SETBP1: variants seen among roughly 807,000 people sequenced by gnomAD.
SETBP1 encodes SET binding protein 1.
Under a neutral mutation model 101.0 loss-of-function variants are expected in SETBP1, and 9 were observed. The observed-to-expected ratio is 0.09, with a 90% confidence interval of 0.05 to 0.16. SETBP1 has a LOEUF of 0.16. Among genes scored for constraint, SETBP1 ranks in the 10% least tolerant of loss-of-function variants. The pLI is 1.00. For synonymous variants in SETBP1, 818 were observed against 788.5 expected (o/e 1.04, Z -0.63); for missense variants, 1,858 against 2,033.8 (o/e 0.91, Z 1.66).
intron 3 of SETBP1, among the ~76,000 whole-genome samples, chr18:44,933,822 G>T (rs2070893800): frequency 6.6e-6 from 1 of 152,152 alleles, no homozygotes; most frequent in Non-Finnish European, 1.5e-5. Context: ...GGGTGGGAGT[G>T]TCCCAATTTT....
At chr18:44,718,485 AG>A (rs2069515647) in intron 2 of SETBP1, among the ~76,000 whole-genome samples, 1 of 152,176 alleles carries the variant, frequency 6.6e-6, no homozygotes, top group South Asian at 2.1e-4. Context: ...AAAGAGAGAG[AG>A]AGAGAGAGCT....
intron 3 of SETBP1, among the ~76,000 whole-genome samples, chr18:44,905,653 C>G (rs530169339): frequency 6.6e-6 from 1 of 152,272 alleles, no homozygotes; most frequent in African/African-American, 2.4e-5. Context: ...TTGCAACAAG[C>G]CACAACATTC....
Position 44,952,604 on chromosome 18 carries a change from A to G in SETBP1, c.3264A>G (p.Pro1088=), listed in dbSNP as rs1169048930. The G allele has an allele frequency of 6.2e-7, 1 of 1,612,956 alleles. No homozygotes were observed. Among genetic ancestry groups the G allele is most frequent in the East Asian group, 2.2e-5 (1 of 44,804 alleles). ...TLGAASPFMR[P]TVPPPQFHTN... is the part of the protein sequence containing the mutation. ...GAGCAGCTTCCCCATTCATGAGGCC[A>G]ACAGTGCCACCACCTCAGTTCCACA... The change falls in exon 4 of 6, where the codon CCA becomes CCG. Residue 1088 remains proline, a synonymous_variant. Transcript: ENST00000649279.
intron 4 of SETBP1, among the ~76,000 whole-genome samples, chr18:45,003,238 CTG>C (rs2072653079): frequency 1.3e-5 from 2 of 152,164 alleles, no homozygotes; most frequent in Admixed American, 6.5e-5. Context: ...TCTAGGGAAT[CTG>C]TGTATTTTTT....
In SETBP1 at chr18:44,776,318, C is replaced by T. The variant is rs554932651; in HGVS notation, c.486+74486C>T. On this transcript the variant is annotated intron_variant, in intron 2 of 5. Transcript: ENST00000649279. ...ACATCAGGCTATAGAGCCCTCTTTT[C>T]GCTCCATAGCACAGCCCATATGGAT... Among the ~76,000 whole-genome samples the T allele has an allele frequency of 2.6e-5, 4 of 152,296 alleles. No individual in the cohort carries two copies. In the South Asian group the frequency reaches 8.3e-4, roughly 32 times the overall value.
chr18:44,964,401 C>G (rs2071678126), intron 4 of SETBP1, among the ~76,000 whole-genome samples: 1 of 152,056 alleles, frequency 6.6e-6, no homozygotes, highest in Non-Finnish European at 1.5e-5. Flanking sequence ...GTAAGGGACA[C>G]CTTGTCATCC....
chr18:44,793,776 T>A (rs549143153), intron 2 of SETBP1, among the ~76,000 whole-genome samples: 1 of 152,328 alleles, frequency 6.6e-6, no homozygotes, highest in Admixed American at 6.5e-5. Flanking sequence ...TGAACTGCTA[T>A]CCAGAACTCT....
At position 44,936,248 on chromosome 18, in the gene SETBP1, G is replaced by C. The variant is rs968321300; in HGVS notation, c.541-13633G>C. Among the ~76,000 whole-genome samples the C allele has an allele frequency of 2.6e-5, 4 of 151,062 alleles. No individual in the cohort carries two copies. In the East Asian group the frequency reaches 5.9e-4, roughly 22 times the overall value. Reference sequence around the variant, plus strand: ...GAGGGCAGAGGCTGCTGCTGGAAAAGACAGAGCCGTGGTGCTGTAGTGGGA... The same window carrying C: ...GAGGGCAGAGGCTGCTGCTGGAAAACACAGAGCCGTGGTGCTGTAGTGGGA... On this transcript the variant is annotated intron_variant, in intron 3 of 5. Coordinates refer to ENST00000649279, the MANE Select transcript of SETBP1 (RefSeq NM_015559.3).
chr18:44,707,405 A>T (rs1206586238), intron 2 of SETBP1, among the ~76,000 whole-genome samples: 1 of 152,232 alleles, frequency 6.6e-6, no homozygotes, highest in African/African-American at 2.4e-5. Context: ...TTTTGACAAA[A>T]ATACAACTTC....
At chr18:44,959,049 C>A (rs1047362510) in intron 4 of SETBP1, among the ~76,000 whole-genome samples, 1 of 152,184 alleles carries the variant, frequency 6.6e-6, no homozygotes, top group African/African-American at 2.4e-5. Context: ...AGAAATGGAG[C>A]AATTCTGCCT....
chr18:44,851,991 A>T, intron 2 of SETBP1, among the ~76,000 whole-genome samples: 1 of 152,226 alleles, frequency 6.6e-6, no homozygotes, highest in East Asian at 1.9e-4. Flanking sequence ...TCCCAGGTGC[A>T]GGCGGTTCTA....
intron 2 of SETBP1, among the ~76,000 whole-genome samples, chr18:44,835,285 G>A (rs28450858): frequency 0.029 from 4,450 of 152,030 alleles, 226 homozygotes; most frequent in African/African-American, 0.1. Flanking sequence ...CCTTGGGTGC[G>A]GTGCATTTTA....
At position 44,976,073 on chromosome 18, in the gene SETBP1, TACACACACACACACAC is replaced by T. The variant is rs57458132; in HGVS notation, c.4000+22761_4000+22776del. On this transcript the variant is annotated intron_variant, in intron 4 of 5. Transcript: ENST00000649279. Reference sequence around the variant, plus strand: ...AGTAAGTCGAGCTTTTGGGGAGGGATACACACACACACACACACACACACACACACACACACACACA... The same window carrying T: ...AGTAAGTCGAGCTTTTGGGGAGGGATACACACACACACACACACACACACA... 4.8e-4 allele frequency among the ~76,000 whole-genome samples: 69 copies of T among 143,684 alleles called. 1 individual carries two copies. The highest frequency in any genetic ancestry group is 1.0e-3 in the East Asian group (5 of 4,812). The allele number at this position is 143,684 out of a possible 152,430, so 94.3% of individuals were successfully genotyped here. A position where few individuals can be genotyped will look rare whatever the true frequency, so the allele number is the denominator to read the frequency against.
intron 2 of SETBP1, among the ~76,000 whole-genome samples, chr18:44,821,645 CCT>C (rs1255377280): frequency 6.6e-6 from 1 of 152,174 alleles, no homozygotes; most frequent in East Asian, 1.9e-4. Context: ...CTGCCTATCC[CCT>C]GTTCCTGACA....
intron 4 of SETBP1, among the ~76,000 whole-genome samples, chr18:45,035,322 G>A (rs185146001): frequency 1.0e-3 from 159 of 152,288 alleles, no homozygotes; most frequent in Non-Finnish European, 2.0e-3. Flanking sequence ...AAATCATTGG[G>A]TGGTAACTAG....
At chr18:44,885,645 A>G (rs1335064859) in intron 3 of SETBP1, among the ~76,000 whole-genome samples, 1 of 151,936 alleles carries the variant, frequency 6.6e-6, no homozygotes, top group African/African-American at 2.4e-5. Flanking sequence ...CGAGGAGTTA[A>G]AAATTGTTGA....
chr18:44,753,266 A>G (rs2070425662), intron 2 of SETBP1, among the ~76,000 whole-genome samples: 1 of 152,194 alleles, frequency 6.6e-6, no homozygotes, highest in Non-Finnish European at 1.5e-5. Context: ...GGTTCATCAC[A>G]GAAGAATGGG....
At chr18:44,810,232 T>A (rs947084770) in intron 2 of SETBP1, among the ~76,000 whole-genome samples, 1 of 152,200 alleles carries the variant, frequency 6.6e-6, no homozygotes, top group African/African-American at 2.4e-5. Flanking sequence ...AAATCAAGAT[T>A]TGAGAATCGA....
At chr18:44,797,592 A>C (rs932710549) in intron 2 of SETBP1, among the ~76,000 whole-genome samples, 1 of 152,046 alleles carries the variant, frequency 6.6e-6, no homozygotes, top group East Asian at 1.9e-4. Context: ...GATCTCTTAG[A>C]ATTCTCTTGG....
Sources: gnomAD v4.1 joint callset for allele counts (sites outside exome capture counted in the v4.1 genomes callset) on GRCh38, gnomAD v4.1.1 for gene constraint, MANE v1.5 for transcripts, NCBI Gene and HGNC (gene_info 2026-07-23, HGNC 2026-07-21) for gene names.